CHL1: variants seen among roughly 807,000 people sequenced by gnomAD.
CHL1 encodes the protein neural cell adhesion molecule L1-like protein.
In CHL1, 96 loss-of-function variants were observed where a neutral mutation model predicts 141.9. The ratio of observed to expected loss-of-function variants is 0.68; its 90% CI spans 0.57 to 0.80. The LOEUF (loss-of-function observed/expected upper bound fraction) is 0.80, where lower values mean the gene tolerates loss of function less well. CHL1 is among the 30% of genes least tolerant of loss of function. The pLI is 0.00. For synonymous variants in CHL1, 613 were observed against 502.2 expected (o/e 1.22, Z -2.95); for missense variants, 1,820 against 1,457.2 (o/e 1.25, Z -4.05).
intron 5 of CHL1, among the ~76,000 whole-genome samples, chr3:337,743 A>C (rs538097773): frequency 6.6e-6 from 1 of 152,048 alleles, no homozygotes; most frequent in Non-Finnish European, 1.5e-5. Context: ...TATGTGCCAC[A>C]TTTTCTTAAT....
chr3:310,540 T>G (rs1226262579), intron 2 of CHL1, among the ~76,000 whole-genome samples: 2 of 152,216 alleles, frequency 1.3e-5, no homozygotes, highest in African/African-American at 4.8e-5. Context: ...ATATTATTAT[T>G]GCTTCCTCTC....
At chr3:250,357 A>G (rs1693577247) in intron 2 of CHL1, among the ~76,000 whole-genome samples, 1 of 152,148 alleles carries the variant, frequency 6.6e-6, no homozygotes, top group Admixed American at 6.6e-5. Context: ...TATTTTAACT[A>G]AGGGTGATAA....
chr3:296,503 C>T (rs548988623), intron 2 of CHL1, among the ~76,000 whole-genome samples: 11 of 152,124 alleles, frequency 7.2e-5, no homozygotes, highest in African/African-American at 1.7e-4. Flanking sequence ...TTTAGAACCA[C>T]GGTCGTCGGC....
intron 1 of CHL1, among the ~76,000 whole-genome samples, chr3:204,546 G>A (rs1403526820): frequency 6.6e-6 from 1 of 152,182 alleles, no homozygotes; most frequent in Non-Finnish European, 1.5e-5. Flanking sequence ...AGGAATGTGG[G>A]GATTTTGATG....
At position 405,699 on chromosome 3, in the gene CHL1, C is replaced by T; in HGVS notation, c.3663C>T (p.Pro1221=). 1.9e-6 allele frequency: 3 copies of T among 1,612,812 alleles called. No individual in the cohort carries two copies. Among genetic ancestry groups the T allele is most frequent in the South Asian group, 1.1e-5 (1 of 91,042 alleles). Residue 1221 remains proline (P), a synonymous_variant, in exon 28 of 28, where the codon CCC becomes CCT. Transcript: ENST00000256509. ...ESNGSSTATF[P]LRA Reference sequence around the variant, plus strand: ...ATGGAAGTTCTACAGCAACTTTTCCCCTTCGGGCATAAACACAACATATGT... The same window carrying T: ...ATGGAAGTTCTACAGCAACTTTTCCTCTTCGGGCATAAACACAACATATGT...
Position 318,083 on chromosome 3 carries a change from CT to C in CHL1, c.-94-1594del, listed in dbSNP as rs1395180302. Among the ~76,000 whole-genome samples, 15 of 151,896 alleles carry C rather than the reference CT, an allele frequency of 9.9e-5. No individual in the cohort carries two copies. In the East Asian group the frequency reaches 1.9e-3, roughly 20 times the overall value. On this transcript the variant is annotated intron_variant, in intron 2 of 27. Transcript: ENST00000256509. ...TCTAATTCAGGACAAAGATTCACAA[CT>C]TTTTTGGAGGTGGGAGGGTAGTATT...
intron 2 of CHL1, among the ~76,000 whole-genome samples, chr3:271,822 T>C (rs1695660018): frequency 6.6e-6 from 1 of 152,166 alleles, no homozygotes; most frequent in South Asian, 2.1e-4. Flanking sequence ...TGGGGAAGCA[T>C]CTTAGTTCTT....
intron 1 of CHL1, 160 bp downstream of exon 1, chr3:197,223 C>A (rs1439225144): frequency 6.6e-6 from 1 of 152,558 alleles, no homozygotes; most frequent in African/African-American, 2.4e-5. Context: ...TGGTCCGGGC[C>A]CCTCAGCCTG....
intron 2 of CHL1, among the ~76,000 whole-genome samples, chr3:303,919 G>A (rs930256580): frequency 2.6e-5 from 4 of 152,116 alleles, no homozygotes; most frequent in African/African-American, 9.7e-5. Flanking sequence ...AGTTTATTGA[G>A]AGATTTTAGC....
rs575791987 is a variant in CHL1, at chr3:346,703, C to T, written c.848+1994C>T. Among the ~76,000 whole-genome samples, 9 of 152,282 alleles carry T rather than the reference C, an allele frequency of 5.9e-5. 1 individual carries two copies. Among genetic ancestry groups the T allele is most frequent in the African/African-American group, 2.2e-4 (9 of 41,558 alleles). ...CTGAAGTAGTTTCTTCTTACTCATA[C>T]TGATTTTGTGTTGGGTAATCCTGTC... On this transcript the variant is annotated intron_variant, in intron 9 of 27. Coordinates refer to ENST00000256509, the MANE Select transcript of CHL1 (RefSeq NM_006614.4).
chr3:292,277 T>C (rs1187120575), intron 2 of CHL1, among the ~76,000 whole-genome samples: 1 of 152,232 alleles, frequency 6.6e-6, no homozygotes, highest in East Asian at 1.9e-4. Context: ...CAACTACTGC[T>C]TGAATGGGGC....
chr3:334,831 A>G (rs1350087181), intron 5 of CHL1, among the ~76,000 whole-genome samples: 1 of 152,210 alleles, frequency 6.6e-6, no homozygotes, highest in African/African-American at 2.4e-5. Flanking sequence ...ATGAGAAAAA[A>G]TATCAGACAG....
intron 10 of CHL1, 128 bp downstream of exon 10, chr3:349,671 G>T (rs1703079389): frequency 1.3e-6 from 1 of 762,900 alleles, no homozygotes. Flanking sequence ...TGTAGTGCGG[G>T]CATTGAATTA....
rs1704836595 is a variant in CHL1, at chr3:366,043, T to C, written c.1679T>C (p.Leu560Ser). The C allele has an allele frequency of 2.5e-6, 4 of 1,614,022 alleles. No individual in the cohort carries two copies. The East Asian group carries it at 6.7e-5, about 27-fold the overall frequency. ...TGTGAAAGCAAATGTGACTCACATTTGAAACACAGTTTGAAGTTGTCCTGG... is the reference window on the plus strand; with the variant it reads ...TGTGAAAGCAAATGTGACTCACATTCGAAACACAGTTTGAAGTTGTCCTGG... Reference protein sequence around the residue: ...LHCESKCDSHLKHSLKLSWSK... With the variant: ...LHCESKCDSHSKHSLKLSWSK... Residue 560 changes from leucine to serine, a missense_variant, in exon 15 of 28, where the codon TTG (leucine) becomes TCG (serine). Coordinates refer to ENST00000256509, the MANE Select transcript of CHL1 (RefSeq NM_006614.4).
intron 22 of CHL1, 86 bp downstream of exon 22, chr3:391,245 T>C: frequency 9.2e-7 from 1 of 1,087,128 alleles, no homozygotes. Flanking sequence ...CCAGGCACAG[T>C]GGCTCATGCC....
At chr3:376,348 A>G (rs566900381) in intron 15 of CHL1, 30 of 500,846 alleles carry the variant, frequency 6.0e-5, no homozygotes, top group African/African-American at 3.7e-4. Flanking sequence ...TTCAAATGCA[A>G]TGGCCCTTGC....
intron 15 of CHL1, among the ~76,000 whole-genome samples, chr3:375,885 C>T (rs1167701379): frequency 6.6e-6 from 1 of 152,090 alleles, no homozygotes; most frequent in Non-Finnish European, 1.5e-5. Flanking sequence ...TGTCATAGTG[C>T]CTTCAGGGAA....
chr3:309,302 G>C (rs1273368351), intron 2 of CHL1: 1 of 152,532 alleles, frequency 6.6e-6, no homozygotes, highest in African/African-American at 2.4e-5. Flanking sequence ...GCTTGTGCCA[G>C]TTGTCGTGAG....
intron 3 of CHL1, among the ~76,000 whole-genome samples, chr3:321,685 C>T (rs1700576938): frequency 6.6e-6 from 1 of 152,026 alleles, no homozygotes; most frequent in South Asian, 2.1e-4. Flanking sequence ...CTGGTTGTCT[C>T]AGTTACTTAT....
Sources: gnomAD v4.1 joint callset for allele counts (sites outside exome capture counted in the v4.1 genomes callset) on GRCh38, gnomAD v4.1.1 for gene constraint, MANE v1.5 for transcripts, NCBI Gene and HGNC (gene_info 2026-07-23, HGNC 2026-07-21) for gene names.